Variants in ZNF697 observed in about 807,000 individuals in gnomAD.
The protein encoded by ZNF697 is zinc finger protein 697.
A neutral mutation model predicts 32.4 loss-of-function variants in ZNF697; 23 were observed. The ratio of observed to expected loss-of-function variants is 0.71; its 90% CI spans 0.51 to 1.01. ZNF697 has a LOEUF of 1.01. Among genes scored for constraint, ZNF697 ranks in the 50% least tolerant of loss-of-function variants. The probability of loss-of-function intolerance (pLI) is 0.00; values close to 1 mark genes in which losing one functional copy is unlikely to be tolerated. For missense variants in ZNF697, 930 were observed against 794.0 expected (o/e 1.17, Z -2.06); for synonymous variants, 418 against 337.2 (o/e 1.24, Z -2.62).
chr1:119,623,573 CGCGGGGGCCGGGCCA>C lies in ZNF697; in HGVS notation c.755_769del (p.Leu252_Pro256del), dbSNP rs1648443266. ...CTCCCCGCAGCGGAAGGGCTTTTCGCGCGGGGGCCGGGCCAGCGGGGGCCCGGCCCCGAAGCCCCC... is the reference window on the plus strand; with the variant it reads ...CTCCCCGCAGCGGAAGGGCTTTTCGCGCGGGGGCCCGGCCCCGAAGCCCCC... On this transcript the variant is annotated inframe_deletion, in exon 3 of 3. Transcript: ENST00000421812. The C allele has an allele frequency of 6.8e-6, 10 of 1,479,938 alleles. No homozygotes were observed. The Admixed American group carries it at 7.4e-5, about 11-fold the overall frequency. The allele number at this position is 1,479,938 out of a possible 1,614,324, so 91.7% of individuals were successfully genotyped here.
intron 1 of ZNF697, among the ~76,000 whole-genome samples, chr1:119,630,546 A>G (rs779773063): frequency 2.9e-4 from 44 of 152,338 alleles, no homozygotes; most frequent in South Asian, 8.3e-4. Context: ...CACTGGGAAA[A>G]TGCTCAAGAG....
At position 119,619,622 on chromosome 1, in the gene ZNF697, A is replaced by G. The variant is rs1401404136; in HGVS notation, c.*3083T>C. 6.5e-6 allele frequency: 1 copy of G among 152,688 alleles called. No individual in the cohort carries two copies. Among genetic ancestry groups the G allele is most frequent in the Non-Finnish European group, 1.5e-5 (1 of 68,040 alleles). 9.5% of individuals were successfully genotyped at this position (152,688 alleles called of 1,614,324 possible). The stretch of plus-strand genomic sequence containing the variant: ...TAACAAACAGCTGTAAAATAACATT[A>G]CAGTGAAGAAAAATGTGCACAAACT... On this transcript the variant is annotated 3_prime_UTR_variant, in exon 3 of 3. Coordinates refer to ENST00000421812, the MANE Select transcript of ZNF697 (RefSeq NM_001080470.2).
intron 1 of ZNF697, among the ~76,000 whole-genome samples, chr1:119,627,096 C>T (rs1010281044): frequency 6.6e-5 from 10 of 152,196 alleles, no homozygotes; most frequent in Non-Finnish European, 1.3e-4. Context: ...TTTATTTCTG[C>T]CATCCATCAC....
chr1:119,630,370 A>C (rs1402457030), intron 1 of ZNF697, among the ~76,000 whole-genome samples: 1 of 152,226 alleles, frequency 6.6e-6, no homozygotes, highest in Admixed American at 6.5e-5. Flanking sequence ...ATCCCCAAAC[A>C]TTCCACCACC....
At chr1:119,639,730 A>C (rs1649014884) in intron 1 of ZNF697, among the ~76,000 whole-genome samples, 1 of 151,766 alleles carries the variant, frequency 6.6e-6, no homozygotes, top group Non-Finnish European at 1.5e-5. Flanking sequence ...AAAAAAAAAA[A>C]AGCCAGAAGT....
intron 1 of ZNF697, among the ~76,000 whole-genome samples, chr1:119,631,471 C>T (rs1193688412): frequency 1.3e-5 from 2 of 152,248 alleles, no homozygotes; most frequent in Non-Finnish European, 2.9e-5. Context: ...GGACAAATGG[C>T]CAAGCGCGTT....
intron 1 of ZNF697, among the ~76,000 whole-genome samples, chr1:119,642,323 AG>A (rs1649098364): frequency 6.6e-6 from 1 of 152,232 alleles, no homozygotes; most frequent in East Asian, 1.9e-4. Flanking sequence ...TCAAAACCAT[AG>A]AATGTACACC....
chr1:119,630,182 A>T (rs587677619), intron 1 of ZNF697, among the ~76,000 whole-genome samples: 1 of 152,248 alleles, frequency 6.6e-6, no homozygotes, highest in Non-Finnish European at 1.5e-5. Context: ...GTGCTGTGTG[A>T]CTTTAAGCAT....
intron 1 of ZNF697, among the ~76,000 whole-genome samples, chr1:119,633,614 C>T (rs1434495202): frequency 6.6e-6 from 1 of 152,128 alleles, no homozygotes; most frequent in African/African-American, 2.4e-5. Flanking sequence ...ACTCGAAGTC[C>T]ACTGATTTAT....
Position 119,623,975 on chromosome 1 carries a change from C to G in ZNF697, c.368G>C (p.Ser123Thr). The stretch of plus-strand genomic sequence containing the variant: ...CTCCTCCAGCCGGTTCTCCCCAGCA[C>G]TCTCGTCGTCGTCCTCCCGGAGGCT... ...SRSLREDDDE[S>T]AGENRLEEEE... is the part of the protein sequence containing the mutation. Residue 123 changes from serine to threonine, a missense_variant, in exon 3 of 3, where the codon AGT (serine) becomes ACT (threonine). Coordinates refer to ENST00000421812, the MANE Select transcript of ZNF697 (RefSeq NM_001080470.2). 6.2e-7 allele frequency: 1 copy of G among 1,609,922 alleles called. No homozygotes were observed. Among genetic ancestry groups the G allele is most frequent in the Non-Finnish European group, 8.5e-7 (1 of 1,178,252 alleles).
chr1:119,628,139 T>G (rs1470877104), intron 1 of ZNF697, among the ~76,000 whole-genome samples: 1 of 152,010 alleles, frequency 6.6e-6, no homozygotes, highest in Middle Eastern at 3.2e-3. Flanking sequence ...GAGGGTTCTG[T>G]GTCAATAAAG....
intron 1 of ZNF697, among the ~76,000 whole-genome samples, chr1:119,633,936 T>C (rs1557939282): frequency 6.6e-6 from 1 of 152,246 alleles, no homozygotes; most frequent in Non-Finnish European, 1.5e-5. Context: ...ATTGGGGTCC[T>C]AGTTGTGTAA....
Position 119,622,494 on chromosome 1 carries a change from A to G in ZNF697, c.*211T>C, listed in dbSNP as rs941458048. ...TCACCCCAAGCGCATCTCCTGAACAATTCTTCCGTGGAGAGGAGGCAAGTA... is the reference window on the plus strand; with the variant it reads ...TCACCCCAAGCGCATCTCCTGAACAGTTCTTCCGTGGAGAGGAGGCAAGTA... On this transcript the variant is annotated 3_prime_UTR_variant, in exon 3 of 3. Transcript: ENST00000421812. 3.2e-6 allele frequency: 3 copies of G among 930,756 alleles called. No homozygotes were observed. Among genetic ancestry groups the G allele is most frequent in the Admixed American group, 3.3e-5 (1 of 29,910 alleles). 57.7% of individuals were successfully genotyped at this position (930,756 alleles called of 1,614,324 possible).
intron 2 of ZNF697, 28 bp from the exon 3 acceptor site, chr1:119,624,144 G>A: frequency 6.5e-7 from 1 of 1,532,614 alleles, no homozygotes; most frequent in African/African-American, 1.4e-5. Flanking sequence ...GGCAGTGGGG[G>A]ATTACTATAC....
At chr1:119,624,982 TG>T (rs1164309357) in intron 2 of ZNF697, among the ~76,000 whole-genome samples, 2 of 38,602 alleles carry the variant, frequency 5.2e-5, no homozygotes, top group African/African-American at 8.6e-5. Flanking sequence ...TTGCTATGGG[TG>T]GGGGGAGGGG....
At chr1:119,626,738 A>C (rs1307229889) in intron 1 of ZNF697, among the ~76,000 whole-genome samples, 2 of 152,232 alleles carry the variant, frequency 1.3e-5, no homozygotes, top group Non-Finnish European at 2.9e-5. Flanking sequence ...CATGTCACCA[A>C]CAGCACCACC....
At chr1:119,643,842 A>G (rs748906185) in intron 1 of ZNF697, among the ~76,000 whole-genome samples, 5 of 152,252 alleles carry the variant, frequency 3.3e-5, no homozygotes, top group Non-Finnish European at 7.3e-5. Context: ...CTGCTCTGGC[A>G]TATTTCCAGA....
At position 119,623,895 on chromosome 1, in the gene ZNF697, C is replaced by T. The variant is rs865851192; in HGVS notation, c.448G>A (p.Gly150Arg). 21 of 1,552,758 alleles carry T rather than the reference C, an allele frequency of 1.4e-5. No homozygotes were observed. Among genetic ancestry groups the T allele is most frequent in the African/African-American group, 2.7e-5 (2 of 73,474 alleles). The part of the protein sequence containing the change: ...VLPWRRHLSL[G>R]SRHRGDKPAH... The stretch of plus-strand genomic sequence containing the variant: ...GGCTTGTCACCTCGGTGCCGACTCC[C>T]CAGGGAGAGATGTCGCCTCCAGGGA... The change falls in exon 3 of 3, where the codon GGG becomes AGG. Residue 150 changes from glycine (G) to arginine (R), a missense_variant. Gly to Arg is a moderately radical substitution (Grantham distance 125). Coordinates refer to ENST00000421812, the MANE Select transcript of ZNF697 (RefSeq NM_001080470.2).
At chr1:119,635,663 T>C (rs746623650) in intron 1 of ZNF697, among the ~76,000 whole-genome samples, 39 of 152,154 alleles carry the variant, frequency 2.6e-4, no homozygotes, top group Non-Finnish European at 4.6e-4. Context: ...ACATCAATTA[T>C]TGGTCCTCCC....
Sources: allele counts gnomAD v4.1 joint callset (sites outside exome capture counted in the v4.1 genomes callset), GRCh38; gene constraint gnomAD v4.1.1; transcripts MANE v1.5; gene names NCBI Gene and HGNC (gene_info 2026-07-23, HGNC 2026-07-21).